Variants in SLIT3 observed in about 807,000 individuals in gnomAD.
The protein encoded by SLIT3 is slit homolog 3 protein.
Under a neutral mutation model 184.0 loss-of-function variants are expected in SLIT3, and 68 were observed. The observed-to-expected ratio is 0.37, with a 90% CI of 0.30 to 0.45. The LOEUF (loss-of-function observed/expected upper bound fraction) is 0.45. Among genes scored for constraint, SLIT3 ranks in the 20% least tolerant of loss-of-function variants. The pLI, the probability that SLIT3 is intolerant of heterozygous loss-of-function variation, is 1.00. For missense variants in SLIT3, 1,707 were observed against 2,026.0 expected, an observed-to-expected ratio of 0.84 and a Z score of 3.02; for synonymous variants, 831 against 828.6, an observed-to-expected ratio of 1.00 and a Z score of -0.05.
intron 4 of SLIT3, chr5:169,012,841 C>T (rs1756207396): frequency 6.6e-6 from 1 of 152,244 alleles, no homozygotes; most frequent in African/African-American, 2.4e-5. Flanking sequence ...TCAGTCAGAC[C>T]TGGGATGAAC....
At chr5:168,991,427 C>T (rs903547326) in intron 4 of SLIT3, among the ~76,000 whole-genome samples, 12 of 152,210 alleles carry the variant, frequency 7.9e-5, no homozygotes, top group Non-Finnish European at 1.6e-4. Flanking sequence ...AGCCTACAGC[C>T]CCAGGCTTGG....
chr5:168,697,417 G>A lies in SLIT3; in HGVS notation c.2943-986C>T, dbSNP rs72839512. On this transcript the variant is annotated intron_variant, in intron 27 of 35. Coordinates refer to ENST00000519560, the MANE Select transcript of SLIT3 (RefSeq NM_003062.4). ...CGGTTAGAACAGATAAAGGCCATGCGGAAGGGATGGGAGTCGGGGGTGGAG... is the reference window on the plus strand; with the variant it reads ...CGGTTAGAACAGATAAAGGCCATGCAGAAGGGATGGGAGTCGGGGGTGGAG... Among the ~76,000 whole-genome samples, 739 of 152,292 alleles carry A rather than the reference G, an allele frequency of 4.9e-3. 3 individuals carry two copies. The highest frequency in any genetic ancestry group is 0.011 in the Admixed American group (167 of 15,306).
At chr5:168,732,209 GACAAAAACAAAA>G (rs1160283203) in intron 20 of SLIT3, among the ~76,000 whole-genome samples, 1 of 151,420 alleles carries the variant, frequency 6.6e-6, no homozygotes, top group Non-Finnish European at 1.5e-5. Flanking sequence ...CTAAGACAAG[GACAAAAACAAAA>G]ACAAAAACAA....
At chr5:169,240,329 A>G (rs1765355515) in intron 3 of SLIT3, among the ~76,000 whole-genome samples, 1 of 151,788 alleles carries the variant, frequency 6.6e-6, no homozygotes, top group Non-Finnish European at 1.5e-5. Flanking sequence ...TTAATTACCA[A>G]AAAGTGTATC....
At position 168,817,295 on chromosome 5, in the gene SLIT3, C is replaced by T; in HGVS notation, c.793+5G>A. On this transcript the variant is annotated splice_donor_5th_base_variant and intron_variant, in intron 8 of 35. Coordinates refer to ENST00000519560, the MANE Select transcript of SLIT3 (RefSeq NM_003062.4). ...AGGAGGGGAGAGCAGGTAAAGCATC[C>T]TCACCTGGGCACACGTACTCCTTCT... 6.2e-7 allele frequency: 1 copy of T among 1,613,732 alleles called. No individual in the cohort carries two copies. Among genetic ancestry groups the T allele is most frequent in the Admixed American group, 1.7e-5 (1 of 60,010 alleles).
rs139751516 is a variant in SLIT3, at chr5:168,846,334, C to T, written c.486-1679G>A. Among the ~76,000 whole-genome samples, 867 of 152,268 alleles carry T rather than the reference C, an allele frequency of 5.7e-3. 7 individuals are homozygous for T. Among genetic ancestry groups the T allele is most frequent in the African/African-American group, 0.02 (819 of 41,538 alleles). On this transcript the variant is annotated intron_variant, in intron 5 of 35. Coordinates refer to ENST00000519560, the MANE Select transcript of SLIT3 (RefSeq NM_003062.4). ...AAGTTCTCACTGATGCCCACTCACA[C>T]GGAGTCTCACCACATCTTCTCGACC...
intron 3 of SLIT3, among the ~76,000 whole-genome samples, chr5:169,213,436 C>T (rs1436690292): frequency 2.0e-5 from 3 of 152,086 alleles, no homozygotes; most frequent in Non-Finnish European, 4.4e-5. Context: ...CTACTTTAAA[C>T]TTCATATAGA....
intron 4 of SLIT3, among the ~76,000 whole-genome samples, chr5:169,186,531 A>G (rs1262369299): frequency 6.6e-6 from 1 of 152,226 alleles, no homozygotes; most frequent in Non-Finnish European, 1.5e-5. Flanking sequence ...GCTAACCAAC[A>G]CAAGACTGAA....
intron 10 of SLIT3, among the ~76,000 whole-genome samples, chr5:168,792,867 C>A (rs190668644): frequency 2.0e-5 from 3 of 152,334 alleles, no homozygotes; most frequent in Non-Finnish European, 4.4e-5. Flanking sequence ...CATGACGTCA[C>A]AAGTGGAAAA....
chr5:169,100,710 C>A (rs1054076507), intron 4 of SLIT3, among the ~76,000 whole-genome samples: 4 of 152,186 alleles, frequency 2.6e-5, no homozygotes, highest in African/African-American at 9.7e-5. Flanking sequence ...GAAGGCCAAG[C>A]AGACACTGGG....
chr5:168,685,947 G>T lies in SLIT3; in HGVS notation c.3315-20C>A. ...GGTCCACTGGAAGGCAGGAGAGAAT[G>T]GGGAGGGAGATAGGAGAATGGCCAA... On this transcript the variant is annotated intron_variant, in intron 30 of 35. Transcript: ENST00000519560. 1 of 1,593,392 alleles carries T rather than the reference G, an allele frequency of 6.3e-7. No homozygotes were observed. Among genetic ancestry groups the T allele is most frequent in the Non-Finnish European group, 8.6e-7 (1 of 1,168,316 alleles).
At chr5:169,014,205 A>G (rs1218641351) in intron 4 of SLIT3, among the ~76,000 whole-genome samples, 3 of 152,206 alleles carry the variant, frequency 2.0e-5, no homozygotes, top group Non-Finnish European at 2.9e-5. Context: ...GTGGCATGAT[A>G]CAAAGGGACT....
intron 4 of SLIT3, among the ~76,000 whole-genome samples, chr5:169,125,577 G>C (rs1212097864): frequency 6.6e-6 from 1 of 152,168 alleles, no homozygotes; most frequent in Non-Finnish European, 1.5e-5. Flanking sequence ...CCTTCACCGT[G>C]AGGGAGGTCC....
At chr5:169,184,550 G>T (rs759161713) in intron 4 of SLIT3, among the ~76,000 whole-genome samples, 1 of 152,164 alleles carries the variant, frequency 6.6e-6, no homozygotes, top group Non-Finnish European at 1.5e-5. Flanking sequence ...ATATGAGATC[G>T]ATGTTTCTTA....
chr5:169,243,990 T>C (rs1417433334), intron 3 of SLIT3, among the ~76,000 whole-genome samples: 3 of 152,226 alleles, frequency 2.0e-5, no homozygotes, highest in African/African-American at 7.2e-5. Context: ...AGTTGCCTAC[T>C]TAACCATCTG....
At chr5:169,278,082 A>T (rs1204714963) in intron 1 of SLIT3, among the ~76,000 whole-genome samples, 1 of 152,188 alleles carries the variant, frequency 6.6e-6, no homozygotes, top group Non-Finnish European at 1.5e-5. Context: ...TCCTGCTTAC[A>T]ATATTGTAAT....
At chr5:169,134,390 A>C (rs1421765) in intron 4 of SLIT3, among the ~76,000 whole-genome samples, 1 of 151,976 alleles carries the variant, frequency 6.6e-6, no homozygotes, top group Non-Finnish European at 1.5e-5. Context: ...TCTTGGACCC[A>C]AGGTCTTCAT....
chr5:168,878,422 G>T (rs12153720), intron 5 of SLIT3, among the ~76,000 whole-genome samples: 106,357 of 152,088 alleles, frequency 0.7, 37,408 homozygotes, highest in Middle Eastern at 0.75. Context: ...TCCTTTCTCT[G>T]GGCTCTGATA....
intron 9 of SLIT3, among the ~76,000 whole-genome samples, chr5:168,797,709 G>A (rs958036068): frequency 6.6e-6 from 1 of 152,150 alleles, no homozygotes. Context: ...ATCATTTATG[G>A]GGTCTAATTG....
Sources: allele counts gnomAD v4.1 joint callset (sites outside exome capture counted in the v4.1 genomes callset), GRCh38; gene constraint gnomAD v4.1.1; transcripts MANE v1.5; gene names NCBI Gene and HGNC (gene_info 2026-07-23, HGNC 2026-07-21).